ADCY8: variants seen among roughly 807,000 people sequenced by gnomAD.
ADCY8 encodes the protein adenylate cyclase 8.
A neutral mutation model predicts 119.7 loss-of-function variants in ADCY8; 51 were observed. The observed-to-expected ratio is 0.43, with a 90% CI of 0.34 to 0.54. The LOEUF is 0.54. ADCY8 is among the 20% of genes least tolerant of loss of function. The pLI, the probability that ADCY8 is intolerant of heterozygous loss-of-function variation, is 0.03. For synonymous variants in ADCY8, 665 were observed against 651.0 expected (o/e 1.02, Z -0.33); for missense variants, 1,383 against 1,598.8 (o/e 0.87, Z 2.30).
chr8:130,989,267 G>C (rs994337210), intron 2 of ADCY8, among the ~76,000 whole-genome samples: 2 of 152,106 alleles, frequency 1.3e-5, no homozygotes, highest in Non-Finnish European at 2.9e-5. Flanking sequence ...GATGGCAGTG[G>C]GAGTTCAGTC....
intron 7 of ADCY8, among the ~76,000 whole-genome samples, chr8:130,901,263 T>TTA (rs56380003): frequency 2.0e-5 from 3 of 150,478 alleles, no homozygotes; most frequent in African/African-American, 7.4e-5. Context: ...TTTTTTTTTT[T>TTA]ACTAGCAGTA....
Position 130,849,632 on chromosome 8 carries a change from C to A in ADCY8, c.2382G>T (p.Leu794Phe). 1.2e-6 allele frequency: 2 copies of A among 1,613,944 alleles called. No individual in the cohort carries two copies. Among genetic ancestry groups the A allele is most frequent in the South Asian group, 1.1e-5 (1 of 91,060 alleles). ...TTAAGATGGCACCCAGGAAATTAAT[C>A]AAAATGGATGCAAAGATGATGACGT... ...ARNVIIFASI[L>F]INFLGAILNI... The change falls in exon 10 of 18, where the codon TTG becomes TTT. Residue 794 changes from leucine to phenylalanine, a missense_variant. By Grantham distance (22) the Leu-to-Phe change is conservative (BLOSUM62 0). This residue lies in a region of ADCY8 where 928 missense variants were observed against 1,163.5 expected (regional missense o/e 0.80). Transcript: ENST00000286355.
At chr8:130,888,033 G>C (rs1563714076) in intron 7 of ADCY8, among the ~76,000 whole-genome samples, 1 of 152,046 alleles carries the variant, frequency 6.6e-6, no homozygotes, top group Non-Finnish European at 1.5e-5. Flanking sequence ...GCTAGACTGA[G>C]ATCATGTTTA....
At chr8:130,986,226 T>A (rs1822398214) in intron 2 of ADCY8, among the ~76,000 whole-genome samples, 1 of 152,200 alleles carries the variant, frequency 6.6e-6, no homozygotes, top group African/African-American at 2.4e-5. Flanking sequence ...AAAGTGCTCT[T>A]CCCACTTAGT....
intron 6 of ADCY8, among the ~76,000 whole-genome samples, chr8:130,907,879 G>T (rs781493258): frequency 6.6e-6 from 1 of 152,036 alleles, no homozygotes; most frequent in African/African-American, 2.4e-5. Flanking sequence ...GTAGTTTCTC[G>T]TCCCTTGTCC....
intron 3 of ADCY8, among the ~76,000 whole-genome samples, chr8:130,946,021 A>G (rs546781755): frequency 6.6e-6 from 1 of 152,196 alleles, no homozygotes; most frequent in Non-Finnish European, 1.5e-5. Context: ...CTATTTTTGA[A>G]GAAAGAAAAG....
intron 8 of ADCY8, among the ~76,000 whole-genome samples, chr8:130,882,843 A>G (rs1286453011): frequency 6.6e-6 from 1 of 152,176 alleles, no homozygotes; most frequent in South Asian, 2.1e-4. Context: ...GCAAGAGTCA[A>G]TGAAGAGTAT....
chr8:130,877,310 G>A (rs1398061000), intron 8 of ADCY8, among the ~76,000 whole-genome samples: 1 of 152,170 alleles, frequency 6.6e-6, no homozygotes, highest in Non-Finnish European at 1.5e-5. Context: ...AGTTCCCAGG[G>A]CACAGAAGCT....
chr8:131,028,752 A>G (rs997179318), intron 1 of ADCY8, among the ~76,000 whole-genome samples: 1 of 152,140 alleles, frequency 6.6e-6, no homozygotes, highest in Non-Finnish European at 1.5e-5. Flanking sequence ...CTAAGCACCT[A>G]TCCATTTTTT....
At chr8:130,983,664 C>G (rs916523162) in intron 2 of ADCY8, among the ~76,000 whole-genome samples, 1 of 152,050 alleles carries the variant, frequency 6.6e-6, no homozygotes, top group African/African-American at 2.4e-5. Context: ...TGGGTGGGTT[C>G]TATGGGCAGT....
chr8:130,909,970 C>A, intron 5 of ADCY8, 104 bp from the exon 6 acceptor site: 3 of 1,061,866 alleles, frequency 2.8e-6, no homozygotes, highest in Non-Finnish European at 4.0e-6. Flanking sequence ...CGGAGTTTTG[C>A]TCTGTCGCCC....
At position 130,943,462 on chromosome 8, in the gene ADCY8, AC is replaced by A; in HGVS notation, c.1242-1del. 1.0e-6 allele frequency: 1 copy of A among 960,082 alleles called. No homozygotes were observed. The highest frequency in any genetic ancestry group is 1.5e-6 in the Non-Finnish European group (1 of 650,420). The allele number at this position is 960,082 out of a possible 1,614,324, so 59.5% of individuals were successfully genotyped here. A position where few individuals can be genotyped will look rare whatever the true frequency, so the allele number is the denominator to read the frequency against. On this transcript the variant is annotated splice_acceptor_variant, in intron 3 of 17. Transcript: ENST00000286355. LOFTEE classifies it high-confidence loss of function. ...ATCCTTTAACATCTGCAAAAAGAAT[AC>A]TAAACACAGGGAAGAGGGTGGGGGT...
chr8:131,012,757 G>A (rs113026968), intron 1 of ADCY8, among the ~76,000 whole-genome samples: 2,091 of 152,280 alleles, frequency 0.014, 32 homozygotes, highest in African/African-American at 0.029. Context: ...AGAACATCCT[G>A]GGAAGGTCAT....
At chr8:130,949,629 T>G (rs1821213520) in intron 3 of ADCY8, 1 of 152,212 alleles carries the variant, frequency 6.6e-6, no homozygotes, top group African/African-American at 2.4e-5. Flanking sequence ...GTTTTTCACT[T>G]GGCTGACTTC....
At chr8:130,874,344 A>G (rs536773868) in intron 8 of ADCY8, among the ~76,000 whole-genome samples, 1 of 112,424 alleles carries the variant, frequency 8.9e-6, no homozygotes, top group South Asian at 2.8e-4. Flanking sequence ...TAAATAAATA[A>G]ATAAATAAAT....
chr8:130,890,929 G>A (rs1819163227), intron 7 of ADCY8, among the ~76,000 whole-genome samples: 2 of 152,250 alleles, frequency 1.3e-5, no homozygotes, highest in Middle Eastern at 6.8e-3. Flanking sequence ...TCACAGTGTG[G>A]GCCAACTCAT....
chr8:131,000,863 G>A (rs1381394358), intron 1 of ADCY8, among the ~76,000 whole-genome samples: 1 of 152,018 alleles, frequency 6.6e-6, no homozygotes, highest in Non-Finnish European at 1.5e-5. Flanking sequence ...GGTGCGCGTT[G>A]TCTGCAGGCC....
At chr8:130,865,098 T>A (rs1818069442) in intron 9 of ADCY8, among the ~76,000 whole-genome samples, 1 of 152,174 alleles carries the variant, frequency 6.6e-6, no homozygotes, top group Non-Finnish European at 1.5e-5. Flanking sequence ...CCCTAAGTAC[T>A]CTTCCTCAGA....
intron 5 of ADCY8, among the ~76,000 whole-genome samples, chr8:130,933,845 T>C (rs1050871924): frequency 7.9e-5 from 12 of 152,372 alleles, no homozygotes; most frequent in African/African-American, 2.9e-4. Context: ...AAGGCTAAGA[T>C]ACAAATCCTT....
Sources: gnomAD v4.1 joint callset for allele counts (sites outside exome capture counted in the v4.1 genomes callset) on GRCh38, gnomAD v4.1.1 for gene constraint, gnomAD v4.1.1 regional missense constraint, MANE v1.5 for transcripts, NCBI Gene and HGNC (gene_info 2026-07-23, HGNC 2026-07-21) for gene names.